The following PPM1E variants were observed in gnomAD, a reference collection of about 807,000 sequenced individuals.
PPM1E encodes the protein protein phosphatase 1E.
In PPM1E, 20 loss-of-function variants were observed where a neutral mutation model predicts 65.9. The ratio of observed to expected loss-of-function variants is 0.30; its 90% CI spans 0.21 to 0.44. PPM1E has a LOEUF of 0.44. Among genes scored for constraint, PPM1E ranks in the 20% least tolerant of loss-of-function variants. The probability of loss-of-function intolerance (pLI) is 1.00; values close to 1 mark genes in which losing one functional copy is unlikely to be tolerated. For missense variants in PPM1E, 713 were observed against 953.1 expected (o/e 0.75, Z 3.32); for synonymous variants, 352 against 374.9 (o/e 0.94, Z 0.70).
chr17:58,803,951 G>A (rs1251608115), intron 1 of PPM1E, among the ~76,000 whole-genome samples: 1 of 152,046 alleles, frequency 6.6e-6, no homozygotes, highest in Non-Finnish European at 1.5e-5. Flanking sequence ...TGTTTTTAGG[G>A]ACAGTCTTAT....
At chr17:58,775,446 C>A (rs1447644870) in intron 1 of PPM1E, among the ~76,000 whole-genome samples, 1 of 152,056 alleles carries the variant, frequency 6.6e-6, no homozygotes, top group Non-Finnish European at 1.5e-5. Context: ...TTTTAATTAG[C>A]AATTTGTTTG....
chr17:58,880,606 G>GTT (rs1567862496), intron 1 of PPM1E, among the ~76,000 whole-genome samples: 5 of 130,086 alleles, frequency 3.8e-5, no homozygotes, highest in Non-Finnish European at 8.5e-5. Flanking sequence ...TGTTGTGAAA[G>GTT]AGTTTGTTTG....
rs2049753198 is a variant in PPM1E, at chr17:58,755,905, C to T, written c.-93C>T. ...CTCGTGCCGGTGCGGCCGTTAACCG[C>T]CCTTGCCGGAGCCCTAGGCTCAAAA... On this transcript the variant is annotated 5_prime_UTR_variant, in exon 1 of 7. Coordinates refer to ENST00000308249, the MANE Select transcript of PPM1E (RefSeq NM_014906.5). 3 of 1,556,966 alleles carry T rather than the reference C, an allele frequency of 1.9e-6. No individual in the cohort carries two copies. Among genetic ancestry groups the T allele is most frequent in the East Asian group, 2.3e-5 (1 of 44,092 alleles).
At chr17:58,915,351 G>A (rs993948913) in intron 1 of PPM1E, among the ~76,000 whole-genome samples, 2 of 152,186 alleles carry the variant, frequency 1.3e-5, no homozygotes, top group Non-Finnish European at 2.9e-5. Context: ...TGGGAATGTG[G>A]CAATGAGGAT....
chr17:58,889,250 A>G (rs1451290465), intron 1 of PPM1E, among the ~76,000 whole-genome samples: 1 of 152,114 alleles, frequency 6.6e-6, no homozygotes, highest in African/African-American at 2.4e-5. Context: ...TGTTCATTGG[A>G]ATCACTTTCA....
intron 1 of PPM1E, among the ~76,000 whole-genome samples, chr17:58,852,499 T>G (rs2050836882): frequency 6.6e-6 from 1 of 152,212 alleles, no homozygotes; most frequent in Non-Finnish European, 1.5e-5. Context: ...CTAATTAGTA[T>G]GTACCTCATT....
At chr17:58,947,452 G>T (rs768305824) in intron 1 of PPM1E, among the ~76,000 whole-genome samples, 1 of 151,134 alleles carries the variant, frequency 6.6e-6, no homozygotes, top group Non-Finnish European at 1.5e-5. Context: ...AGCCAGGCTG[G>T]TCTTGAATTC....
At chr17:58,917,209 C>CA (rs1171808077) in intron 1 of PPM1E, among the ~76,000 whole-genome samples, 29 of 102,898 alleles carry the variant, frequency 2.8e-4, no homozygotes, top group Non-Finnish European at 4.6e-4. Context: ...GACTCTGTCT[C>CA]AAAAAAAAGA....
chr17:58,763,444 AG>A (rs2144146522), intron 1 of PPM1E, among the ~76,000 whole-genome samples: 1 of 152,202 alleles, frequency 6.6e-6, no homozygotes, highest in South Asian at 2.1e-4. Context: ...TTCCTAAAAA[AG>A]GGGGCTGGGA....
chr17:58,915,752 G>A (rs1038225506), intron 1 of PPM1E, among the ~76,000 whole-genome samples: 7 of 152,092 alleles, frequency 4.6e-5, no homozygotes, highest in African/African-American at 1.7e-4. Context: ...GCATATTTAA[G>A]GGATTTTTCA....
At chr17:58,955,873 T>C in intron 2 of PPM1E, 106 bp downstream of exon 2, 1 of 1,288,652 alleles carries the variant, frequency 7.8e-7, no homozygotes, top group Non-Finnish European at 1.0e-6. Flanking sequence ...ATTTACCTGC[T>C]GGTTGTTTAT....
At chr17:58,929,862 A>C (rs1333381968) in intron 1 of PPM1E, among the ~76,000 whole-genome samples, 2 of 152,082 alleles carry the variant, frequency 1.3e-5, no homozygotes, top group Non-Finnish European at 2.9e-5. Context: ...TTATGTTATC[A>C]TGTTATTTTG....
At chr17:58,783,085 T>A (rs1380908449) in intron 1 of PPM1E, among the ~76,000 whole-genome samples, 1 of 152,162 alleles carries the variant, frequency 6.6e-6, no homozygotes, top group Non-Finnish European at 1.5e-5. Context: ...TATGAACTTG[T>A]AGGTAAGAAA....
At chr17:58,821,637 C>T (rs2050481392) in intron 1 of PPM1E, among the ~76,000 whole-genome samples, 1 of 152,244 alleles carries the variant, frequency 6.6e-6, no homozygotes, top group East Asian at 1.9e-4. Context: ...GAAAGAATTC[C>T]TTTGATTGAG....
At chr17:58,847,603 G>A (rs2050784966) in intron 1 of PPM1E, among the ~76,000 whole-genome samples, 1 of 152,136 alleles carries the variant, frequency 6.6e-6, no homozygotes, top group South Asian at 2.1e-4. Context: ...TTATTTCTGA[G>A]GGCTCTATTC....
At chr17:58,872,155 G>T (rs2051078268) in intron 1 of PPM1E, among the ~76,000 whole-genome samples, 1 of 152,050 alleles carries the variant, frequency 6.6e-6, no homozygotes, top group Admixed American at 6.6e-5. Flanking sequence ...AAATTAGCTG[G>T]GCATGGTGGC....
chr17:58,810,475 G>A (rs1345596086), intron 1 of PPM1E, among the ~76,000 whole-genome samples: 2 of 152,180 alleles, frequency 1.3e-5, no homozygotes, highest in Non-Finnish European at 2.9e-5. Context: ...AAAGTGCTGG[G>A]ATTACAGGCA....
chr17:58,789,067 C>T (rs891633390), intron 1 of PPM1E, among the ~76,000 whole-genome samples: 2 of 152,086 alleles, frequency 1.3e-5, no homozygotes, highest in African/African-American at 4.8e-5. Flanking sequence ...ACTATCAAGC[C>T]TAATACATAA....
At chr17:58,866,296 G>A (rs1310436039) in intron 1 of PPM1E, among the ~76,000 whole-genome samples, 2 of 152,190 alleles carry the variant, frequency 1.3e-5, no homozygotes, top group African/African-American at 2.4e-5. Context: ...GGCAGAACAC[G>A]TAGATTCCCT....
Sources: allele counts gnomAD v4.1 joint callset (sites outside exome capture counted in the v4.1 genomes callset), GRCh38; gene constraint gnomAD v4.1.1; transcripts MANE v1.5; gene names NCBI Gene and HGNC (gene_info 2026-07-23, HGNC 2026-07-21).